The following GPC4 variants were observed in gnomAD, a reference collection of about 807,000 sequenced individuals.
GPC4 encodes glypican-4.
A neutral mutation model predicts 35.0 loss-of-function variants in GPC4; 10 were observed. The observed-to-expected ratio is 0.29, with a 90% CI of 0.18 to 0.48. The LOEUF (loss-of-function observed/expected upper bound fraction) is 0.48. Among genes scored for constraint, GPC4 ranks in the 20% least tolerant of loss-of-function variants. The probability of loss-of-function intolerance (pLI) is 0.99; values close to 1 mark genes in which losing one functional copy is unlikely to be tolerated. For missense variants in GPC4, 322 were observed against 451.3 expected (o/e 0.71, Z 2.60); for synonymous variants, 167 against 170.2 (o/e 0.98, Z 0.15).
chrX:133,413,798 G>A (rs2068823859), intron 1 of GPC4, among the ~76,000 whole-genome samples: 1 of 112,182 alleles, frequency 8.9e-6, no homozygotes, highest in South Asian at 3.7e-4. Context: ...CGACCCGGAG[G>A]GGACCCGGCC....
intron 1 of GPC4, among the ~76,000 whole-genome samples, chrX:133,391,138 G>C (rs2068717799): frequency 8.9e-6 from 1 of 111,979 alleles, no homozygotes; most frequent in Non-Finnish European, 1.9e-5. Flanking sequence ...ATCAAATTTT[G>C]ATTATTGCTG....
chrX:133,309,634 T>C (rs1390257945), intron 4 of GPC4, among the ~76,000 whole-genome samples: 1 of 112,662 alleles, frequency 8.9e-6, no homozygotes, highest in Non-Finnish European at 1.9e-5. Context: ...TTTTGTACCA[T>C]ATGGCAAATT....
At position 133,415,368 on chromosome X, in the gene GPC4, G is replaced by C. The variant is rs773537289; in HGVS notation, c.-403C>G. 1 of 160,954 alleles carries C rather than the reference G, an allele frequency of 6.2e-6. No individual in the cohort carries two copies. Among genetic ancestry groups the C allele is most frequent in the African/African-American group, 3.1e-5 (1 of 31,760 alleles). The allele number at this position is 160,954 out of a possible 1,213,427, so 13.3% of individuals were successfully genotyped here. A position where few individuals can be genotyped will look rare whatever the true frequency, so the allele number is the denominator to read the frequency against. ...CCGCAGAGGGTGTGGGCGGCGGCGG[G>C]CGTTCGCTGCGCGCTGCTTGGGCTG... On this transcript the variant is annotated 5_prime_UTR_variant, in exon 1 of 9. Transcript: ENST00000370828.
intron 1 of GPC4, among the ~76,000 whole-genome samples, chrX:133,387,683 T>C (rs955334079): frequency 8.9e-6 from 1 of 112,156 alleles, no homozygotes; most frequent in Non-Finnish European, 1.9e-5. Flanking sequence ...AAGTCTATCA[T>C]TTGTAATAGA....
chrX:133,405,420 A>G (rs970019804), intron 1 of GPC4, among the ~76,000 whole-genome samples: 4 of 112,166 alleles, frequency 3.6e-5, no homozygotes, highest in African/African-American at 1.3e-4. Context: ...TCTTTCTAAA[A>G]TGTACTTTCT....
intron 1 of GPC4, among the ~76,000 whole-genome samples, chrX:133,404,676 G>T (rs2068779356): frequency 9.2e-6 from 1 of 109,150 alleles, no homozygotes; most frequent in Non-Finnish European, 1.9e-5. Flanking sequence ...CCAACATGGT[G>T]AAAGCCCATC....
intron 1 of GPC4, among the ~76,000 whole-genome samples, chrX:133,356,664 C>A (rs897016667): frequency 2.7e-5 from 3 of 111,441 alleles, no homozygotes; most frequent in African/African-American, 9.8e-5. Context: ...TCCTGAGGCC[C>A]TCACCAGAAG....
intron 1 of GPC4, among the ~76,000 whole-genome samples, chrX:133,347,822 G>A (rs1217936917): frequency 8.9e-6 from 1 of 111,804 alleles, no homozygotes; most frequent in Non-Finnish European, 1.9e-5. Context: ...AACAAAGCAC[G>A]TAAATTACAG....
At chrX:133,314,378 A>G (rs903927234) in intron 3 of GPC4, among the ~76,000 whole-genome samples, 2 of 111,963 alleles carry the variant, frequency 1.8e-5, no homozygotes, top group African/African-American at 6.5e-5. Flanking sequence ...CCCCTAAAAT[A>G]GGCTGATGGA....
At chrX:133,329,578 G>A (rs1200939044) in intron 2 of GPC4, among the ~76,000 whole-genome samples, 3 of 111,091 alleles carry the variant, frequency 2.7e-5, no homozygotes, top group African/African-American at 9.8e-5. Context: ...TGAAAAATAG[G>A]GAATGGGGAA....
chrX:133,363,426 G>C (rs1040302752), intron 1 of GPC4, among the ~76,000 whole-genome samples: 2 of 111,162 alleles, frequency 1.8e-5, no homozygotes, highest in African/African-American at 3.3e-5. Context: ...AGGATATACA[G>C]TTTTTCTCAT....
chrX:133,374,545 G>A (rs1301566501), intron 1 of GPC4, among the ~76,000 whole-genome samples: 3 of 111,940 alleles, frequency 2.7e-5, no homozygotes, highest in Non-Finnish European at 5.6e-5. Flanking sequence ...CCTACAGTCT[G>A]TTATACATGT....
At chrX:133,392,418 G>A (rs1396013639) in intron 1 of GPC4, among the ~76,000 whole-genome samples, 3 of 105,683 alleles carry the variant, frequency 2.8e-5, no homozygotes, top group Non-Finnish European at 5.8e-5. Flanking sequence ...CCACACTGGC[G>A]TGGACCCTGT....
At chrX:133,377,592 T>G (rs939259048) in intron 1 of GPC4, among the ~76,000 whole-genome samples, 3 of 112,439 alleles carry the variant, frequency 2.7e-5, no homozygotes, top group African/African-American at 9.7e-5. Context: ...GTTAACAACA[T>G]GCATTGAGCA....
intron 1 of GPC4, among the ~76,000 whole-genome samples, chrX:133,373,198 T>G (rs538539860): frequency 8.9e-6 from 1 of 111,948 alleles, no homozygotes; most frequent in Admixed American, 9.5e-5. Context: ...CCTTCCATTT[T>G]CTTCCCTAAA....
chrX:133,320,934 C>T (rs1445313892), intron 3 of GPC4, among the ~76,000 whole-genome samples: 1 of 109,607 alleles, frequency 9.1e-6, no homozygotes, highest in African/African-American at 3.3e-5. Flanking sequence ...GCTACTCACT[C>T]GGGAGGCTGA....
chrX:133,371,258 C>T (rs1312826161), intron 1 of GPC4, among the ~76,000 whole-genome samples: 1 of 112,478 alleles, frequency 8.9e-6, no homozygotes, highest in Non-Finnish European at 1.9e-5. Flanking sequence ...TTCTAGGGCT[C>T]AGACTAGCCT....
intron 1 of GPC4, among the ~76,000 whole-genome samples, chrX:133,410,011 C>A (rs1161830897): frequency 1.4e-5 from 1 of 72,450 alleles, no homozygotes; most frequent in Non-Finnish European, 2.2e-5. Context: ...CCCTCAGAAA[C>A]CCTCATTGGC....
chrX:133,349,595 T>C (rs747323906), intron 1 of GPC4, among the ~76,000 whole-genome samples: 1 of 111,918 alleles, frequency 8.9e-6, no homozygotes, highest in Admixed American at 9.4e-5. Context: ...CTTACGTACA[T>C]TTCATGGATT....
Sources: gnomAD v4.1 joint callset for allele counts (sites outside exome capture counted in the v4.1 genomes callset) on GRCh38, gnomAD v4.1.1 for gene constraint, MANE v1.5 for transcripts, NCBI Gene and HGNC (gene_info 2026-07-23, HGNC 2026-07-21) for gene names.